SLC22A4: variants seen among roughly 807,000 people sequenced by gnomAD.
SLC22A4 encodes the protein solute carrier family 22 member 4.
Under a neutral mutation model 56.6 loss-of-function variants are expected in SLC22A4, and 39 were observed. That is an observed-to-expected ratio of 0.69 (90% CI 0.53 to 0.90). The LOEUF (loss-of-function observed/expected upper bound fraction) is 0.90. SLC22A4 is among the 40% of genes least tolerant of loss of function. The probability of loss-of-function intolerance (pLI) is 0.00; values close to 1 mark genes in which losing one functional copy is unlikely to be tolerated. For synonymous variants in SLC22A4, 241 were observed against 281.4 expected (o/e 0.86, Z 1.44); for missense variants, 594 against 696.5 (o/e 0.85, Z 1.66).
chr5:132,319,582 G>T (rs1464031761), intron 3 of SLC22A4, among the ~76,000 whole-genome samples: 1 of 152,114 alleles, frequency 6.6e-6, no homozygotes, highest in East Asian at 1.9e-4. Flanking sequence ...AGGAATATTA[G>T]CTTTTGTTTT....
At chr5:132,317,957 G>A (rs566610506) in intron 3 of SLC22A4, among the ~76,000 whole-genome samples, 5 of 152,372 alleles carry the variant, frequency 3.3e-5, no homozygotes, top group African/African-American at 9.6e-5. Flanking sequence ...ACCCAGGGAA[G>A]AGCAAGAACT....
intron 7 of SLC22A4, 98 bp downstream of exon 7, chr5:132,335,030 T>C: frequency 2.3e-6 from 2 of 851,600 alleles, no homozygotes; most frequent in Non-Finnish European, 4.0e-6. Flanking sequence ...AGCCTTTACA[T>C]CATAAGCCAT....
chr5:132,322,444 C>A, intron 4 of SLC22A4, 89 bp downstream of exon 4: 2 of 1,321,918 alleles, frequency 1.5e-6, no homozygotes, highest in Non-Finnish European at 2.2e-6. Flanking sequence ...CTAGCCTGGG[C>A]TTGCATGACC....
chr5:132,334,958 C>T, intron 7 of SLC22A4, 26 bp downstream of exon 7: 1 of 1,532,838 alleles, frequency 6.5e-7, no homozygotes, highest in Middle Eastern at 2.2e-4. Context: ...AGATGAACAG[C>T]TTACCAGAAA....
chr5:132,313,814 G>A lies in SLC22A4; in HGVS notation c.652+46G>A, dbSNP rs541942893. On this transcript the variant is annotated intron_variant, in intron 3 of 9. Transcript: ENST00000200652. ...ATGGGGTGCTTCCCTCTAACCCTCTGAAAGGCCCAGAAAGAGGAAATCATT... is the reference window on the plus strand; with the variant it reads ...ATGGGGTGCTTCCCTCTAACCCTCTAAAAGGCCCAGAAAGAGGAAATCATT... 2.3e-5 allele frequency: 36 copies of A among 1,574,806 alleles called. No homozygotes were observed. In the East Asian group the frequency reaches 7.6e-4, roughly 33 times the overall value.
In SLC22A4 at chr5:132,313,714, T is replaced by C; in HGVS notation, c.598T>C (p.Phe200Leu). Residue 200 changes from phenylalanine to leucine, a missense_variant, in exon 3 of 10, where the codon TTT becomes CTT. Physicochemically the swap from Phe to Leu is conservative, Grantham distance 22. Coordinates refer to ENST00000200652, the MANE Select transcript of SLC22A4 (RefSeq NM_003059.3). ...SISWEMFTVL[F>L]VIVGMGQISN... is the part of the protein sequence containing the mutation. The stretch of plus-strand genomic sequence containing the variant: ...CAGCTGGGAGATGTTCACTGTGTTA[T>C]TTGTCATCGTGGGCATGGGCCAGAT... 6.2e-7 allele frequency: 1 copy of C among 1,614,258 alleles called. No homozygotes were observed. Among genetic ancestry groups the C allele is most frequent in the Non-Finnish European group, 8.5e-7 (1 of 1,180,026 alleles).
At chr5:132,300,358 T>G (rs1749883132) in intron 1 of SLC22A4, among the ~76,000 whole-genome samples, 1 of 152,234 alleles carries the variant, frequency 6.6e-6, no homozygotes, top group Non-Finnish European at 1.5e-5. Flanking sequence ...TCTTCGAGAT[T>G]ATACAAAATC....
At chr5:132,324,641 A>G (rs1375654232) in intron 4 of SLC22A4, 1 of 466,036 alleles carries the variant, frequency 2.1e-6, no homozygotes, top group African/African-American at 2.0e-5. Flanking sequence ...CCATCCTTGC[A>G]GGTGGGTCTT....
At chr5:132,302,833 C>T (rs1156723776) in intron 1 of SLC22A4, among the ~76,000 whole-genome samples, 5 of 152,240 alleles carry the variant, frequency 3.3e-5, no homozygotes, top group Non-Finnish European at 7.3e-5. Context: ...CACTCACACT[C>T]ACTGGTTCTT....
rs1749739288 is a variant in SLC22A4 at position 132,294,874 on chromosome 5, C to T, written c.258C>T (p.Leu86=). Residue 86 remains leucine (L), a synonymous_variant, in exon 1 of 10, where the codon CTC becomes CTT. Coordinates refer to ENST00000200652, the MANE Select transcript of SLC22A4 (RefSeq NM_003059.3). The surrounding 1 kb of genome is among the most constrained non-coding windows in gnomAD (Gnocchi z 5.6). Reference sequence around the variant, plus strand: ...CCCACAGCTGCAGCCGCTACCGGCTCGCCACCATCGCCAACTTCTCGGCGC... The same window carrying T: ...CCCACAGCTGCAGCCGCTACCGGCTTGCCACCATCGCCAACTTCTCGGCGC... The part of the protein sequence containing the change: ...EVPHSCSRYR[L]ATIANFSALG... 6.2e-7 allele frequency: 1 copy of T among 1,601,286 alleles called. No individual in the cohort carries two copies. Among genetic ancestry groups the T allele is most frequent in the Admixed American group, 1.7e-5 (1 of 58,116 alleles).
In SLC22A4 at chr5:132,294,991, G is replaced by T. The variant is rs760113387; in HGVS notation, c.375G>T (p.Leu125=). The T allele has an allele frequency of 6.2e-7, 1 of 1,607,070 alleles. No individual in the cohort carries two copies. Among genetic ancestry groups the T allele is most frequent in the Admixed American group, 1.7e-5 (1 of 59,312 alleles). ...DGWEFSQDVY[L]STVVTEWNLV... is the part of the protein sequence containing the mutation. The stretch of plus-strand genomic sequence containing the variant: ...GGGAGTTCAGCCAGGACGTCTACCT[G>T]TCCACCGTCGTGACCGAGGTGGGTG... The change falls in exon 1 of 10, where the codon CTG becomes CTT. Residue 125 remains leucine (L), a synonymous_variant. Transcript: ENST00000200652. This position sits in a 1 kb window ranked among gnomAD's most constrained non-coding sequence, Gnocchi z 5.6.
chr5:132,313,804 C>A, intron 3 of SLC22A4, 36 bp downstream of exon 3: 1 of 1,606,572 alleles, frequency 6.2e-7, no homozygotes, highest in Admixed American at 1.7e-5. Flanking sequence ...GTGCTTCCCT[C>A]TAACCCTCTG....
intron 1 of SLC22A4, chr5:132,295,282 T>C (rs914783429): frequency 3.0e-6 from 2 of 675,586 alleles, no homozygotes; most frequent in African/African-American, 3.5e-5. Flanking sequence ...AAATGAAGTT[T>C]CCTAAGAACC....
intron 4 of SLC22A4, among the ~76,000 whole-genome samples, chr5:132,323,925 A>G (rs273917): frequency 0.72 from 109,095 of 152,116 alleles, 39,904 homozygotes; most frequent in African/African-American, 0.85. Flanking sequence ...AGGTATGGTG[A>G]TTCACACCTG....
chr5:132,303,716 A>C (rs1035470929), intron 1 of SLC22A4, among the ~76,000 whole-genome samples: 51 of 152,344 alleles, frequency 3.3e-4, no homozygotes, highest in African/African-American at 1.2e-3. Flanking sequence ...TGAGAATATT[A>C]GAGCCTTGAT....
chr5:132,294,844 G>A lies in SLC22A4; in HGVS notation c.228G>A (p.Glu76=), dbSNP rs1309914299. 2 of 1,609,428 alleles carry A rather than the reference G, an allele frequency of 1.2e-6. No individual in the cohort carries two copies. Among genetic ancestry groups the A allele is most frequent in the South Asian group, 1.1e-5 (1 of 90,924 alleles). Residue 76 remains glutamate (E), a synonymous_variant, in exon 1 of 10, where the codon GAG becomes GAA. Transcript: ENST00000200652. The surrounding 1 kb of genome is among the most constrained non-coding windows in gnomAD (Gnocchi z 5.6). ...CGCTGCGGCTGCGGGACGGCCGCGA[G>A]GTGCCCCACAGCTGCAGCCGCTACC... The part of the protein sequence containing the change: ...SVPLRLRDGR[E]VPHSCSRYRL...
chr5:132,325,254 C>T (rs1750658276), intron 4 of SLC22A4, among the ~76,000 whole-genome samples: 1 of 152,262 alleles, frequency 6.6e-6, no homozygotes, highest in Admixed American at 6.5e-5. Context: ...TCTAATTCTG[C>T]ACTAATATAG....
At chr5:132,326,802 A>G (rs1750703792) in intron 4 of SLC22A4, among the ~76,000 whole-genome samples, 1 of 152,270 alleles carries the variant, frequency 6.6e-6, no homozygotes, top group Non-Finnish European at 1.5e-5. Context: ...TTTTGACTAA[A>G]GGAAACGATC....
chr5:132,322,258 T>C lies in SLC22A4; in HGVS notation c.727T>C (p.Tyr243His). 1 of 1,614,058 alleles carries C rather than the reference T, an allele frequency of 6.2e-7. No homozygotes were observed. The highest frequency in any genetic ancestry group is 8.5e-7 in the Non-Finnish European group (1 of 1,179,916). Residue 243 changes from tyrosine to histidine, a missense_variant, in exon 4 of 10, where the codon TAT becomes CAT. Transcript: ENST00000200652. ...AGTGTGCACATTTTTTGCAGTTGGC[T>C]ATATGCTGCTGCCACTGTTTGCTTA... Reference protein sequence around the residue: ...LGVCTFFAVGYMLLPLFAYFI... With the variant: ...LGVCTFFAVGHMLLPLFAYFI...
Sources: allele counts gnomAD v4.1 joint callset (sites outside exome capture counted in the v4.1 genomes callset), GRCh38; gene constraint gnomAD v4.1.1; non-coding constraint Gnocchi (gnomAD v3.1); transcripts MANE v1.5; gene names NCBI Gene and HGNC (gene_info 2026-07-23, HGNC 2026-07-21).